PC: variants seen among roughly 807,000 people sequenced by gnomAD.
The protein encoded by PC is pyruvate carboxylase.
Under a neutral mutation model 107.8 loss-of-function variants are expected in PC, and 46 were observed. That is an observed-to-expected ratio of 0.43 (90% CI 0.34 to 0.55). PC has a LOEUF of 0.55. Ranked by LOEUF, PC falls within the 20% of genes least tolerant of loss-of-function variation. PC has a pLI of 0.04. For missense variants in PC, 1,241 were observed against 1,643.1 expected (o/e 0.76, Z 4.23); for synonymous variants, 662 against 684.7 (o/e 0.97, Z 0.52).
chr11:66,889,381 A>G (rs567471297), intron 3 of PC, among the ~76,000 whole-genome samples: 1 of 151,818 alleles, frequency 6.6e-6, no homozygotes, highest in South Asian at 2.1e-4. Context: ...ATGTATTATT[A>G]TTATTATTTG....
At chr11:66,854,247 T>C (rs1565218196) in intron 12 of PC, among the ~76,000 whole-genome samples, 1 of 152,226 alleles carries the variant, frequency 6.6e-6, no homozygotes, top group East Asian at 1.9e-4. Context: ...CACATCAAAC[T>C]TGCCTTGCGC....
At chr11:66,865,292 C>T (rs1029551753) in intron 11 of PC, among the ~76,000 whole-genome samples, 2 of 152,346 alleles carry the variant, frequency 1.3e-5, no homozygotes, top group Non-Finnish European at 2.9e-5. Flanking sequence ...CTCCCCTCAC[C>T]GCCCCACACA....
intron 3 of PC, among the ~76,000 whole-genome samples, chr11:66,897,603 A>G (rs907482809): frequency 6.6e-6 from 1 of 152,134 alleles, no homozygotes; most frequent in African/African-American, 2.4e-5. Context: ...CGAATAAAAT[A>G]CAACATGCGA....
At chr11:66,850,137 G>A (rs754382277) in intron 19 of PC, 21 bp from the exon 20 acceptor site, 10 of 1,613,836 alleles carry the variant, frequency 6.2e-6, no homozygotes, top group Non-Finnish European at 8.5e-6. Flanking sequence ...GGCCCTGGAG[G>A]TTAGGGTGCC....
At chr11:66,933,402 A>C (rs947264097) in intron 3 of PC, among the ~76,000 whole-genome samples, 1 of 152,122 alleles carries the variant, frequency 6.6e-6, no homozygotes, top group African/African-American at 2.4e-5. Flanking sequence ...CTCTGGTCTC[A>C]AGCTATCTCA....
At chr11:66,949,103 C>T (rs542792863) in intron 3 of PC, among the ~76,000 whole-genome samples, 1 of 151,516 alleles carries the variant, frequency 6.6e-6, no homozygotes, top group Admixed American at 6.6e-5. Flanking sequence ...AGCGATTCTC[C>T]TGCCTCAGCC....
Position 66,873,418 on chromosome 11 carries a change from AAT to A in PC, c.1-1261_1-1260del, listed in dbSNP as rs1372964533. On this transcript the variant is annotated intron_variant, in intron 3 of 22. Coordinates refer to ENST00000393960, the MANE Select transcript of PC (RefSeq NM_001040716.2). ...TATATAATATAATATAAATATATAT[AAT>A]ATATTATATATATTATATATTATAT... 5.5e-5 allele frequency among the ~76,000 whole-genome samples: 5 copies of A among 90,958 alleles called. No individual in the cohort carries two copies. The South Asian group carries it at 7.5e-4, about 14-fold the overall frequency. The allele number at this position is 90,958 out of a possible 152,430, so 59.7% of individuals were successfully genotyped here.
chr11:66,950,994 A>G (rs1305835135), intron 3 of PC, among the ~76,000 whole-genome samples: 1 of 152,090 alleles, frequency 6.6e-6, no homozygotes, highest in African/African-American at 2.4e-5. Flanking sequence ...CGTTACGGCC[A>G]TTCCCACCAT....
At chr11:66,939,612 C>T (rs1949074556) in intron 3 of PC, among the ~76,000 whole-genome samples, 1 of 152,006 alleles carries the variant, frequency 6.6e-6, no homozygotes, top group African/African-American at 2.4e-5. Flanking sequence ...TGAGACCAGC[C>T]TGACCAATAC....
intron 9 of PC, among the ~76,000 whole-genome samples, chr11:66,869,390 G>A (rs754473149): frequency 5.9e-5 from 9 of 151,678 alleles, no homozygotes; most frequent in Middle Eastern, 3.4e-3. Context: ...AGTCTACTGC[G>A]CAGTCACCTC....
In PC at chr11:66,848,793, C is replaced by A. The variant is rs45505701; in HGVS notation, c.*106G>T. The A allele has an allele frequency of 0.021, 29,936 of 1,445,912 alleles. 538 individuals are homozygous for A. The highest frequency in any genetic ancestry group is 0.022 in the Non-Finnish European group (22,880 of 1,038,504). The allele number at this position is 1,445,912 out of a possible 1,614,324, so 89.6% of individuals were successfully genotyped here. On this transcript the variant is annotated 3_prime_UTR_variant, in exon 23 of 23. Transcript: ENST00000393960. ...TGTCCAGCTGTGGACAGGACCTCCA[C>A]GGCCCGGCCTTCCTGGCCTCGGGCA...
At chr11:66,877,193 C>T (rs1221296220) in intron 3 of PC, among the ~76,000 whole-genome samples, 2 of 152,158 alleles carry the variant, frequency 1.3e-5, no homozygotes. Flanking sequence ...CAAAACCACC[C>T]TGGCCAACAT....
intron 3 of PC, among the ~76,000 whole-genome samples, chr11:66,951,062 T>C (rs535122231): frequency 1.3e-5 from 2 of 152,042 alleles, no homozygotes; most frequent in Non-Finnish European, 2.9e-5. Context: ...GCCCAAGACC[T>C]AGCTCCAAGG....
chr11:66,862,723 C>T (rs1183725131), intron 12 of PC, among the ~76,000 whole-genome samples: 8 of 152,210 alleles, frequency 5.3e-5, no homozygotes, highest in Non-Finnish European at 1.0e-4. Context: ...TAGCTACAGA[C>T]GCCAGTAACA....
chr11:66,865,369 G>A (rs1307028173), intron 11 of PC, among the ~76,000 whole-genome samples: 1 of 152,258 alleles, frequency 6.6e-6, no homozygotes, highest in Non-Finnish European at 1.5e-5. Context: ...TGCCTCCTTT[G>A]GGGCTCAGGC....
At chr11:66,854,494 A>C (rs1484154599) in intron 12 of PC, among the ~76,000 whole-genome samples, 1 of 152,144 alleles carries the variant, frequency 6.6e-6, no homozygotes, top group African/African-American at 2.4e-5. Flanking sequence ...CCTCGGTTCC[A>C]CTCATTAAAT....
At chr11:66,935,162 T>C (rs1050085267) in intron 3 of PC, among the ~76,000 whole-genome samples, 2 of 152,246 alleles carry the variant, frequency 1.3e-5, no homozygotes, top group Non-Finnish European at 1.5e-5. Flanking sequence ...GAACCATTTC[T>C]TGGAGTACTG....
intron 3 of PC, among the ~76,000 whole-genome samples, chr11:66,943,615 G>C (rs1269777556): frequency 6.6e-6 from 1 of 151,346 alleles, no homozygotes; most frequent in Non-Finnish European, 1.5e-5. Flanking sequence ...GCCGGGCGTG[G>C]TGGCAGGCGC....
rs570416969 is a variant in PC at position 66,927,490 on chromosome 11, G to C, written c.-1+24940C>G. 1.4e-4 allele frequency among the ~76,000 whole-genome samples: 21 copies of C among 152,042 alleles called. No homozygotes were observed. In the East Asian group the frequency reaches 3.7e-3, roughly 27 times the overall value. ...TAATCCCAGCACTTTGGGAGGCTGA[G>C]GTGGGTGGATTGCCTGAGGTCAGGA... On this transcript the variant is annotated intron_variant, in intron 3 of 22. Transcript: ENST00000393960.
Sources: gnomAD v4.1 joint callset for allele counts (sites outside exome capture counted in the v4.1 genomes callset) on GRCh38, gnomAD v4.1.1 for gene constraint, MANE v1.5 for transcripts, NCBI Gene and HGNC (gene_info 2026-07-23, HGNC 2026-07-21) for gene names.